PRKN: variants seen among roughly 807,000 people sequenced by gnomAD.
PRKN encodes the protein parkin RBR E3 ubiquitin protein ligase.
A neutral mutation model predicts 59.5 loss-of-function variants in PRKN; 56 were observed. The ratio of observed to expected loss-of-function variants is 0.94; its 90% CI spans 0.76 to 1.18. PRKN has a LOEUF of 1.18. Ranked by LOEUF, PRKN falls within the 50% of genes most tolerant of loss-of-function variation. PRKN has a pLI of 0.00. For synonymous variants in PRKN, 250 were observed against 222.1 expected (o/e 1.13, Z -1.12); for missense variants, 657 against 596.4 (o/e 1.10, Z -1.06).
At position 161,561,513 on chromosome 6, in the gene PRKN, G is replaced by T. The variant is rs545818567; in HGVS notation, c.933+7842C>A. 6.6e-6 allele frequency among the ~76,000 whole-genome samples: 1 copy of T among 152,028 alleles called. No individual in the cohort carries two copies. Among genetic ancestry groups the T allele is most frequent in the Non-Finnish European group, 1.5e-5 (1 of 67,994 alleles). Reference sequence around the variant, plus strand: ...GCAGTGAAAAATGACATCTTCCTTCGTGGAGCCATCATACTGCATCTCTCC... The same window carrying T: ...GCAGTGAAAAATGACATCTTCCTTCTTGGAGCCATCATACTGCATCTCTCC... On this transcript the variant is annotated intron_variant, in intron 8 of 11. Transcript: ENST00000366898. The surrounding 1 kb of genome is among the most constrained non-coding windows in gnomAD (Gnocchi z 5.0).
intron 7 of PRKN, among the ~76,000 whole-genome samples, chr6:161,658,288 A>G (rs758698801): frequency 6.6e-6 from 1 of 152,142 alleles, no homozygotes; most frequent in Non-Finnish European, 1.5e-5. Flanking sequence ...ATGCTCCGTT[A>G]ATTGGAAGTG....
chr6:162,088,434 T>C (rs573294610), intron 4 of PRKN, among the ~76,000 whole-genome samples: 2 of 152,204 alleles, frequency 1.3e-5, no homozygotes, highest in Admixed American at 6.5e-5. Context: ...GTCAATTTTC[T>C]AAGCTACTTG....
intron 1 of PRKN, among the ~76,000 whole-genome samples, chr6:162,552,668 T>C (rs1393862517): frequency 6.6e-6 from 1 of 152,108 alleles, no homozygotes; most frequent in African/African-American, 2.4e-5. Flanking sequence ...GTAATTTGGA[T>C]AAATGAGACG....
Position 162,182,915 on chromosome 6 carries a change from C to A in PRKN, c.534+18216G>T, listed in dbSNP as rs191510139. ...CAAGTAAACTAAAGTTTTGTGAAAA[C>A]TGCTTTTCACCTACTTCTAAAATGC... On this transcript the variant is annotated intron_variant, in intron 4 of 11. Transcript: ENST00000366898. Among the ~76,000 whole-genome samples, 72 of 152,144 alleles carry A rather than the reference C, an allele frequency of 4.7e-4. 1 individual carries two copies. In the Middle Eastern group the frequency reaches 0.02, roughly 43 times the overall value.
At chr6:162,036,435 A>T (rs754359387) in intron 5 of PRKN, among the ~76,000 whole-genome samples, 9 of 151,614 alleles carry the variant, frequency 5.9e-5, no homozygotes, top group Admixed American at 4.6e-4. Flanking sequence ...GGTGGAGTGC[A>T]ACGGCAGGAT....
chr6:161,765,756 C>G (rs765347664), intron 7 of PRKN, among the ~76,000 whole-genome samples: 1 of 152,110 alleles, frequency 6.6e-6, no homozygotes, highest in Non-Finnish European at 1.5e-5. Flanking sequence ...AGGTCTTACT[C>G]CCTCTGAAAC....
rs184678755 is a variant in PRKN at position 162,612,465 on chromosome 6, T to C, written c.7+115197A>G. On this transcript the variant is annotated intron_variant, in intron 1 of 11. Transcript: ENST00000366898. ...AACCAGGGGCAGAGACATCGCGGTATTGAACCAGATTTCTCTCGACAAGTT... is the reference window on the plus strand; with the variant it reads ...AACCAGGGGCAGAGACATCGCGGTACTGAACCAGATTTCTCTCGACAAGTT... Among the ~76,000 whole-genome samples the C allele has an allele frequency of 3.3e-3, 498 of 151,454 alleles. 3 individuals are homozygous for C. Among genetic ancestry groups the C allele is most frequent in the African/African-American group, 0.012 (482 of 41,332 alleles).
chr6:161,603,841 A>C (rs1385680542), intron 7 of PRKN, among the ~76,000 whole-genome samples: 1 of 152,218 alleles, frequency 6.6e-6, no homozygotes, highest in East Asian at 1.9e-4. Context: ...TGAGCTGCTG[A>C]GCTGAAAGGG....
rs1294893738 is a variant in PRKN at position 161,744,341 on chromosome 6, C to T, written c.871+41431G>A. On this transcript the variant is annotated intron_variant, in intron 7 of 11. Transcript: ENST00000366898. ...GATTAAGCCACACGATGAATCACTTCGCTTTCAAAAACAATAAAAGCCAGA... is the reference window on the plus strand; with the variant it reads ...GATTAAGCCACACGATGAATCACTTTGCTTTCAAAAACAATAAAAGCCAGA... Among the ~76,000 whole-genome samples, 5 of 152,012 alleles carry T rather than the reference C, an allele frequency of 3.3e-5. No homozygotes were observed. In the South Asian group the frequency reaches 8.3e-4, roughly 25 times the overall value.
At chr6:161,404,825 C>G (rs1237869326) in intron 9 of PRKN, among the ~76,000 whole-genome samples, 1 of 152,154 alleles carries the variant, frequency 6.6e-6, no homozygotes, top group East Asian at 1.9e-4. Flanking sequence ...CCACACCTGC[C>G]CCTTTATTGC....
At chr6:162,010,277 T>C (rs1782449115) in intron 5 of PRKN, among the ~76,000 whole-genome samples, 2 of 128,086 alleles carry the variant, frequency 1.6e-5, no homozygotes, top group African/African-American at 3.0e-5. Flanking sequence ...ATATATTATG[T>C]ATGATAAATA....
rs548824995 is a variant in PRKN, at chr6:162,065,443, G to A, written c.535-11269C>T. Reference sequence around the variant, plus strand: ...AGCCATGGGGGCAGCAGACTGGATGGTGCCTACCCACATTGAGGATGGGTC... The same window carrying A: ...AGCCATGGGGGCAGCAGACTGGATGATGCCTACCCACATTGAGGATGGGTC... On this transcript the variant is annotated intron_variant, in intron 4 of 11. Coordinates refer to ENST00000366898, the MANE Select transcript of PRKN (RefSeq NM_004562.3). Among the ~76,000 whole-genome samples the A allele has an allele frequency of 7.2e-5, 11 of 152,226 alleles. No homozygotes were observed. In the South Asian group the frequency reaches 2.3e-3, roughly 32 times the overall value.
intron 2 of PRKN, among the ~76,000 whole-genome samples, chr6:162,312,713 G>A (rs1316085512): frequency 6.6e-6 from 1 of 152,084 alleles, no homozygotes; most frequent in East Asian, 1.9e-4. Flanking sequence ...AGGTCATAAA[G>A]CCTTTGTGGA....
At chr6:162,345,700 T>A (rs1488142587) in intron 2 of PRKN, among the ~76,000 whole-genome samples, 2 of 152,208 alleles carry the variant, frequency 1.3e-5, no homozygotes, top group Non-Finnish European at 2.9e-5. Flanking sequence ...GTATGCTGAA[T>A]TTTTATTCAG....
intron 2 of PRKN, among the ~76,000 whole-genome samples, chr6:162,344,519 C>A (rs1784315689): frequency 6.6e-6 from 1 of 151,948 alleles, no homozygotes; most frequent in African/African-American, 2.4e-5. Flanking sequence ...AGCAACTGAG[C>A]CAAACCAAGG....
intron 7 of PRKN, among the ~76,000 whole-genome samples, chr6:161,580,468 T>A (rs902111311): frequency 1.3e-5 from 2 of 151,990 alleles, no homozygotes; most frequent in African/African-American, 4.8e-5. Flanking sequence ...TTATAGACAA[T>A]TTTTTTGTTG....
At chr6:162,275,024 T>C (rs1455906810) in intron 2 of PRKN, 1 of 137,916 alleles carries the variant, frequency 7.3e-6, no homozygotes, top group Non-Finnish European at 1.5e-5. Flanking sequence ...GAGCTTGCAG[T>C]GAGTGGAGAT....
At chr6:161,710,885 C>T (rs66643601) in intron 7 of PRKN, among the ~76,000 whole-genome samples, 53,761 of 134,804 alleles carry the variant, frequency 0.4, 11,227 homozygotes, top group Admixed American at 0.58. Flanking sequence ...CCTTCCTTCT[C>T]TCCCTCCCTT....
intron 7 of PRKN, among the ~76,000 whole-genome samples, chr6:161,569,978 T>C (rs1780808270): frequency 6.6e-6 from 1 of 151,748 alleles, no homozygotes; most frequent in Non-Finnish European, 1.5e-5. Flanking sequence ...GCGTTTGAGT[T>C]TGGAAAGGGC....
Sources: gnomAD v4.1 joint callset for allele counts (sites outside exome capture counted in the v4.1 genomes callset) on GRCh38, gnomAD v4.1.1 for gene constraint, Gnocchi (gnomAD v3.1) non-coding constraint, MANE v1.5 for transcripts, NCBI Gene and HGNC (gene_info 2026-07-23, HGNC 2026-07-21) for gene names.